Variants in TMPRSS11D observed in about 807,000 individuals in gnomAD.
TMPRSS11D encodes transmembrane serine protease 11D.
TMPRSS11D carries 32 observed loss-of-function variants against 44.4 expected under a neutral mutation model. The observed-to-expected ratio is 0.72, with a 90% CI of 0.54 to 0.97. TMPRSS11D has a LOEUF of 0.97. Among genes scored for constraint, TMPRSS11D ranks in the 50% least tolerant of loss-of-function variants. The probability of loss-of-function intolerance (pLI) is 0.00; values close to 1 mark genes in which losing one functional copy is unlikely to be tolerated. For synonymous variants in TMPRSS11D, 179 were observed against 177.9 expected (o/e 1.01, Z -0.05); for missense variants, 446 against 502.6 (o/e 0.89, Z 1.08).
At chr4:67,836,043 A>G (rs1718078168) in intron 5 of TMPRSS11D, among the ~76,000 whole-genome samples, 2 of 152,144 alleles carry the variant, frequency 1.3e-5, no homozygotes, top group African/African-American at 4.8e-5. Flanking sequence ...TACTTATTAT[A>G]TCCTTTTAGT....
intron 8 of TMPRSS11D, among the ~76,000 whole-genome samples, chr4:67,826,438 G>A (rs1277731612): frequency 6.6e-6 from 1 of 152,060 alleles, no homozygotes; most frequent in Admixed American, 6.6e-5. Flanking sequence ...ATGGGTAAAA[G>A]CCCAGGGAAA....
intron 1 of TMPRSS11D, among the ~76,000 whole-genome samples, chr4:67,865,399 C>G (rs1024341763): frequency 6.6e-6 from 1 of 151,068 alleles, no homozygotes; most frequent in Non-Finnish European, 1.5e-5. Flanking sequence ...ATCATTAAAT[C>G]CCAATGATGT....
chr4:67,865,972 G>C (rs1223851907), intron 1 of TMPRSS11D, among the ~76,000 whole-genome samples: 2 of 151,892 alleles, frequency 1.3e-5, no homozygotes, highest in Non-Finnish European at 2.9e-5. Flanking sequence ...TGAGGAGGAG[G>C]GAATCTTTCC....
chr4:67,870,044 A>G (rs1242405403), intron 1 of TMPRSS11D, among the ~76,000 whole-genome samples: 3 of 152,188 alleles, frequency 2.0e-5, no homozygotes, highest in Non-Finnish European at 4.4e-5. Flanking sequence ...TGCTACACTG[A>G]TCACCCACTA....
intron 1 of TMPRSS11D, among the ~76,000 whole-genome samples, chr4:67,866,440 C>T (rs1718928239): frequency 6.6e-6 from 1 of 151,912 alleles, no homozygotes; most frequent in African/African-American, 2.4e-5. Context: ...TGGAACAAGG[C>T]AAGGATGACC....
At chr4:67,874,508 C>G (rs1459530702) in intron 1 of TMPRSS11D, among the ~76,000 whole-genome samples, 1 of 152,078 alleles carries the variant, frequency 6.6e-6, no homozygotes, top group African/African-American at 2.4e-5. Context: ...TGTGCATCCT[C>G]CAATGTTTGA....
At chr4:67,836,907 G>A (rs1718104124) in intron 5 of TMPRSS11D, among the ~76,000 whole-genome samples, 1 of 152,020 alleles carries the variant, frequency 6.6e-6, no homozygotes. Flanking sequence ...CTCAAAATAT[G>A]TAAATCCTAC....
intron 1 of TMPRSS11D, among the ~76,000 whole-genome samples, chr4:67,862,486 G>A (rs1718813770): frequency 6.6e-6 from 1 of 152,064 alleles, no homozygotes; most frequent in Non-Finnish European, 1.5e-5. Flanking sequence ...GAAGCAAAGG[G>A]AATCAATAGC....
Position 67,854,061 on chromosome 4 carries a change from A to G in TMPRSS11D, c.249+7T>C. 7.0e-7 allele frequency: 1 copy of G among 1,435,206 alleles called. No homozygotes were observed. Among genetic ancestry groups the G allele is most frequent in the South Asian group, 1.3e-5 (1 of 77,580 alleles). 88.9% of individuals were successfully genotyped at this position (1,435,206 alleles called of 1,614,324 possible). Reference sequence around the variant, plus strand: ...GGAATAAAGAGCAAAGACAAATATTAACTTACCAGAGATTCAATTCTTCCA... The same window carrying G: ...GGAATAAAGAGCAAAGACAAATATTGACTTACCAGAGATTCAATTCTTCCA... On this transcript the variant is annotated splice_region_variant and intron_variant, in intron 3 of 9. Transcript: ENST00000283916.
At chr4:67,824,910 T>G (rs1717755021) in intron 9 of TMPRSS11D, among the ~76,000 whole-genome samples, 1 of 152,064 alleles carries the variant, frequency 6.6e-6, no homozygotes, top group South Asian at 2.1e-4. Flanking sequence ...TTCAGATATG[T>G]GAACAAAACC....
At chr4:67,843,671 C>T (rs890354964) in intron 3 of TMPRSS11D, among the ~76,000 whole-genome samples, 2 of 152,192 alleles carry the variant, frequency 1.3e-5, no homozygotes, top group African/African-American at 4.8e-5. Flanking sequence ...CGCCTGTAAT[C>T]CCAGCACTTT....
chr4:67,862,925 A>G (rs1435308932), intron 1 of TMPRSS11D, among the ~76,000 whole-genome samples: 3 of 151,844 alleles, frequency 2.0e-5, no homozygotes, highest in Admixed American at 1.3e-4. Context: ...GGGAGAGGGG[A>G]GGGATAGCAT....
chr4:67,842,134 A>G (rs933093524), intron 4 of TMPRSS11D, among the ~76,000 whole-genome samples: 1 of 152,170 alleles, frequency 6.6e-6, no homozygotes, highest in Non-Finnish European at 1.5e-5. Context: ...ATAGCACATC[A>G]GGCAGATAAA....
intron 5 of TMPRSS11D, 111 bp from the exon 6 acceptor site, chr4:67,835,232 G>A: frequency 9.9e-7 from 1 of 1,006,762 alleles, no homozygotes; most frequent in Non-Finnish European, 1.5e-6. Flanking sequence ...ACTTGTTGGG[G>A]TTGGGAGGTG....
intron 9 of TMPRSS11D, among the ~76,000 whole-genome samples, chr4:67,823,230 G>C (rs1445098731): frequency 6.6e-6 from 1 of 152,132 alleles, no homozygotes; most frequent in Non-Finnish European, 1.5e-5. Context: ...TATATCATCA[G>C]AAAGTCTTCT....
chr4:67,827,161 G>T, intron 8 of TMPRSS11D, 100 bp downstream of exon 8: 1 of 1,450,892 alleles, frequency 6.9e-7, no homozygotes, highest in Non-Finnish European at 9.2e-7. Flanking sequence ...GTCTGTAGAA[G>T]AATAGAAACA....
chr4:67,875,177 T>C (rs868016283), intron 1 of TMPRSS11D, among the ~76,000 whole-genome samples: 1 of 152,190 alleles, frequency 6.6e-6, no homozygotes, highest in Non-Finnish European at 1.5e-5. Context: ...GAATGAATAC[T>C]TTTGATGCCT....
intron 3 of TMPRSS11D, among the ~76,000 whole-genome samples, chr4:67,844,550 G>GATC (rs1356530854): frequency 6.6e-6 from 1 of 151,976 alleles, no homozygotes; most frequent in Non-Finnish European, 1.5e-5. Context: ...GAGGCAAGTG[G>GATC]ATCACTTGAG....
chr4:67,825,732 C>T lies in TMPRSS11D; in HGVS notation c.1095G>A (p.Gln365=), dbSNP rs1481578892. ...GVPQGGVDAC[Q]GDSGGPLVQE... ...ATGGATGAGATTGTCTTGAGCTTAC[C>T]TGACATGCGTCCACTCCACCTTGAG... Residue 365 remains glutamine (Q), a splice_region_variant and synonymous_variant, in exon 9 of 10, where the codon CAG becomes CAA. Coordinates refer to ENST00000283916, the MANE Select transcript of TMPRSS11D (RefSeq NM_004262.3). The T allele has an allele frequency of 1.2e-6, 2 of 1,612,406 alleles. No individual in the cohort carries two copies. The highest frequency in any genetic ancestry group is 2.7e-5 in the African/African-American group (2 of 74,822).
Sources: gnomAD v4.1 joint callset for allele counts (sites outside exome capture counted in the v4.1 genomes callset) on GRCh38, gnomAD v4.1.1 for gene constraint, MANE v1.5 for transcripts, NCBI Gene and HGNC (gene_info 2026-07-23, HGNC 2026-07-21) for gene names.